Variants in CDH18 observed in about 807,000 individuals in gnomAD.
The protein encoded by CDH18 is cadherin 18, also known as cadherin-18.
A neutral mutation model predicts 67.9 loss-of-function variants in CDH18; 31 were observed. The observed-to-expected ratio is 0.46, with a 90% CI of 0.34 to 0.62. The LOEUF is 0.62. Among genes scored for constraint, CDH18 ranks in the 20% least tolerant of loss-of-function variants. The pLI, the probability that CDH18 is intolerant of heterozygous loss-of-function variation, is 0.01. For missense variants in CDH18, 890 were observed against 975.5 expected, an observed-to-expected ratio of 0.91 and a Z score of 1.17; for synonymous variants, 362 against 347.2, an observed-to-expected ratio of 1.04 and a Z score of -0.48.
At chr5:20,497,147 G>A (rs1404440576) in intron 1 of CDH18, among the ~76,000 whole-genome samples, 2 of 152,100 alleles carry the variant, frequency 1.3e-5, no homozygotes, top group East Asian at 3.9e-4. Context: ...AATGAAGCTG[G>A]GGTGGAGGCA....
chr5:20,290,734 C>T (rs994523329), intron 1 of CDH18, among the ~76,000 whole-genome samples: 1 of 152,106 alleles, frequency 6.6e-6, no homozygotes, highest in East Asian at 1.9e-4. Context: ...AAGCATGGCT[C>T]ATTTGGAAAA....
chr5:20,018,852 T>C (rs1479403395), intron 2 of CDH18, among the ~76,000 whole-genome samples: 1 of 142,118 alleles, frequency 7.0e-6, no homozygotes, highest in African/African-American at 2.7e-5. Context: ...TGGAGTGCAG[T>C]GGCGCGATCT....
In CDH18 at chr5:19,571,270, T is replaced by C. The variant is rs192628231; in HGVS notation, c.1253+309A>G. ...TTCCTATCATTAAGGGAGCAATAGATTCTCTAGTTTGTGATTAAATAGCTC... is the reference window on the plus strand; with the variant it reads ...TTCCTATCATTAAGGGAGCAATAGACTCTCTAGTTTGTGATTAAATAGCTC... On this transcript the variant is annotated intron_variant, in intron 8 of 12. Coordinates refer to ENST00000382275, the MANE Select transcript of CDH18 (RefSeq NM_004934.5). 7.1e-4 allele frequency among the ~76,000 whole-genome samples: 108 copies of C among 152,282 alleles called. 1 individual carries two copies. In the East Asian group the frequency reaches 0.019, roughly 27 times the overall value.
intron 2 of CDH18, among the ~76,000 whole-genome samples, chr5:20,177,237 C>T (rs981473296): frequency 2.6e-5 from 4 of 152,110 alleles, no homozygotes; most frequent in South Asian, 2.1e-4. Context: ...TTAATACTGA[C>T]GCAATTTTCC....
chr5:20,340,797 G>A (rs1036025610), intron 1 of CDH18, among the ~76,000 whole-genome samples: 10 of 152,234 alleles, frequency 6.6e-5, no homozygotes, highest in African/African-American at 9.6e-5. Flanking sequence ...TAGCATGACC[G>A]TGATGAACAA....
intron 2 of CDH18, among the ~76,000 whole-genome samples, chr5:19,876,480 G>T (rs1787016285): frequency 6.6e-6 from 1 of 152,054 alleles, no homozygotes; most frequent in South Asian, 2.1e-4. Context: ...TCATCCCCAG[G>T]AGTATTTAAA....
chr5:19,501,881 C>G (rs1743313058), intron 11 of CDH18, among the ~76,000 whole-genome samples: 1 of 152,152 alleles, frequency 6.6e-6, no homozygotes, highest in South Asian at 2.1e-4. Flanking sequence ...ATAAGACAGC[C>G]TGTTCTAATG....
chr5:20,097,819 AT>A (rs1450660522), intron 2 of CDH18, among the ~76,000 whole-genome samples: 2 of 152,164 alleles, frequency 1.3e-5, no homozygotes, highest in East Asian at 1.9e-4. Flanking sequence ...ATTTAAGGTT[AT>A]TTTTTATGAA....
At chr5:19,889,167 C>G (rs1036500158) in intron 2 of CDH18, among the ~76,000 whole-genome samples, 1 of 151,678 alleles carries the variant, frequency 6.6e-6, no homozygotes, top group Non-Finnish European at 1.5e-5. Context: ...CTGTACAAAG[C>G]CAATCATCAG....
At chr5:19,835,141 A>C (rs752291097) in intron 3 of CDH18, among the ~76,000 whole-genome samples, 5 of 152,198 alleles carry the variant, frequency 3.3e-5, no homozygotes, top group Admixed American at 6.6e-5. Context: ...TCAATAATAG[A>C]CTAAATTAAG....
At chr5:20,118,780 G>C (rs1379581292) in intron 2 of CDH18, among the ~76,000 whole-genome samples, 1 of 152,050 alleles carries the variant, frequency 6.6e-6, no homozygotes, top group African/African-American at 2.4e-5. Flanking sequence ...CCAACACCTA[G>C]AGCAAATGTC....
At chr5:19,519,434 C>T (rs1746545019) in intron 10 of CDH18, among the ~76,000 whole-genome samples, 1 of 152,106 alleles carries the variant, frequency 6.6e-6, no homozygotes, top group South Asian at 2.1e-4. Context: ...CATTTGGGTT[C>T]ACTAAAGACA....
intron 2 of CDH18, among the ~76,000 whole-genome samples, chr5:20,057,320 C>A (rs1488319844): frequency 6.6e-6 from 1 of 152,030 alleles, no homozygotes; most frequent in Non-Finnish European, 1.5e-5. Flanking sequence ...ATATTCATAT[C>A]CTGAATCTTT....
intron 3 of CDH18, among the ~76,000 whole-genome samples, chr5:19,820,366 G>A (rs577548620): frequency 6.6e-6 from 1 of 152,232 alleles, no homozygotes; most frequent in African/African-American, 2.4e-5. Context: ...AAACCAACAG[G>A]GGAGTGACAG....
chr5:20,241,900 A>ATT (rs1222521288), intron 2 of CDH18, among the ~76,000 whole-genome samples: 1 of 145,588 alleles, frequency 6.9e-6, no homozygotes, highest in African/African-American at 2.6e-5. Context: ...ATGTATATAT[A>ATT]TATATATATT....
intron 1 of CDH18, among the ~76,000 whole-genome samples, chr5:20,419,139 C>T (rs540388814): frequency 2.3e-4 from 35 of 152,190 alleles, no homozygotes; most frequent in Non-Finnish European, 3.4e-4. Context: ...TAGTAAGTCT[C>T]ACGAGATCTG....
At chr5:19,798,792 T>C (rs552024767) in intron 3 of CDH18, among the ~76,000 whole-genome samples, 17 of 152,170 alleles carry the variant, frequency 1.1e-4, no homozygotes, top group African/African-American at 4.1e-4. Flanking sequence ...TATTACTGGA[T>C]TTTTAGGTAA....
At chr5:19,550,306 A>C (rs1737175605) in intron 8 of CDH18, among the ~76,000 whole-genome samples, 1 of 152,056 alleles carries the variant, frequency 6.6e-6, no homozygotes, top group African/African-American at 2.4e-5. Context: ...GTACATGTGC[A>C]CAATGTGCAG....
intron 1 of CDH18, among the ~76,000 whole-genome samples, chr5:20,572,024 T>C (rs769025764): frequency 9.2e-5 from 14 of 152,106 alleles, no homozygotes; most frequent in Non-Finnish European, 1.8e-4. Context: ...CAATTCAATA[T>C]ACATGGCTTT....
Sources: gnomAD v4.1 joint callset for allele counts (sites outside exome capture counted in the v4.1 genomes callset) on GRCh38, gnomAD v4.1.1 for gene constraint, MANE v1.5 for transcripts, NCBI Gene and HGNC (gene_info 2026-07-23, HGNC 2026-07-21) for gene names.